DPRX: variants seen among roughly 807,000 people sequenced by gnomAD.
DPRX encodes divergent paired-related homeobox.
Under a neutral mutation model 8.4 loss-of-function variants are expected in DPRX, and 11 were observed. The observed-to-expected ratio is 1.31, with a 90% confidence interval of 0.82 to 2.17. DPRX has a LOEUF of 2.17. Ranked by LOEUF, DPRX falls within the 30% of genes most tolerant of loss-of-function variation. The probability of loss-of-function intolerance (pLI) is 0.00; values close to 1 mark genes in which losing one functional copy is unlikely to be tolerated. For synonymous variants in DPRX, 72 were observed against 87.0 expected, an observed-to-expected ratio of 0.83 and a Z score of 0.96; for missense variants, 211 against 236.7, an observed-to-expected ratio of 0.89 and a Z score of 0.71.
chr19:53,630,330 T>G (rs1039796819), upstream of DPRX, among the ~76,000 whole-genome samples: 1 of 151,724 alleles, frequency 6.6e-6, no homozygotes, highest in African/African-American at 2.4e-5. Context: ...GAGGCTGAGG[T>G]GGGAGGATGG....
chr19:53,617,375 A>G, the DPRX span: 4 of 455,706 alleles, frequency 8.8e-6, no homozygotes, highest in South Asian at 8.1e-5. Flanking sequence ...CCTGGGCAAC[A>G]TGGTAAAACC....
At chr19:53,636,924 T>C in exon 3 of DPRX, 1 of 1,613,548 alleles carries the variant, frequency 6.2e-7, no homozygotes, top group Non-Finnish European at 8.5e-7. Context: ...GAATCCCAAG[T>C]TTGCGCTCCA....
At chr19:53,612,013 G>T in the DPRX span, among the ~76,000 whole-genome samples, 8 of 152,040 alleles carry the variant, frequency 5.3e-5, no homozygotes, top group African/African-American at 1.9e-4. Context: ...GAATCCGGGA[G>T]GTGGAGGTTG....
chr19:53,615,032 A>G, the DPRX span, among the ~76,000 whole-genome samples: 110 of 151,860 alleles, frequency 7.2e-4, no homozygotes, highest in African/African-American at 2.5e-3. Context: ...TTAATTTGTA[A>G]TTTACTTTGT....
chr19:53,631,834 T>C (rs2091093870), upstream of DPRX, among the ~76,000 whole-genome samples: 1 of 152,142 alleles, frequency 6.6e-6, no homozygotes, highest in African/African-American at 2.4e-5. Context: ...TTCTGCATTT[T>C]AACAACTCCC....
upstream of DPRX, among the ~76,000 whole-genome samples, chr19:53,627,125 G>A (rs576353924): frequency 1.1e-4 from 16 of 152,202 alleles, no homozygotes; most frequent in East Asian, 2.1e-3. Flanking sequence ...ACAAATCCTC[G>A]TACTTAGACT....
At chr19:53,619,780 G>A in the DPRX span, among the ~76,000 whole-genome samples, 1 of 151,094 alleles carries the variant, frequency 6.6e-6, no homozygotes, top group African/African-American at 2.4e-5. Context: ...GCTTGAACCT[G>A]GGAGGTGGAG....
At chr19:53,631,512 A>T (rs886177176), upstream of DPRX, among the ~76,000 whole-genome samples, 1 of 152,074 alleles carries the variant, frequency 6.6e-6, no homozygotes. Context: ...GGAAATCATC[A>T]GATCCCACCC....
At chr19:53,621,421 C>T in the DPRX span, among the ~76,000 whole-genome samples, 2 of 152,182 alleles carry the variant, frequency 1.3e-5, no homozygotes, top group African/African-American at 4.8e-5. Context: ...GCATAAGCCA[C>T]TGCACCCAGC....
chr19:53,606,744 A>G, the DPRX span: 3,225 of 144,036 alleles, frequency 0.022, 72 homozygotes, highest in East Asian at 0.078. The surrounding 1 kb of genome is among the most constrained non-coding windows in gnomAD (Gnocchi z 4.8). Context: ...AGGTATATGC[A>G]CCGGGCGGTG....
the DPRX span, chr19:53,602,300 G>GTA: frequency 6.0e-6 from 2 of 334,894 alleles, no homozygotes; most frequent in African/African-American, 2.2e-5. Context: ...GTGTGTGTGT[G>GTA]TGTGTGTGTG....
the DPRX span, among the ~76,000 whole-genome samples, chr19:53,609,192 G>C: frequency 6.6e-6 from 1 of 151,768 alleles, no homozygotes; most frequent in Admixed American, 6.6e-5. Flanking sequence ...ATATGGCTGG[G>C]TATTGTGGCT....
the DPRX span, among the ~76,000 whole-genome samples, chr19:53,615,081 T>G: frequency 6.6e-6 from 1 of 152,140 alleles, no homozygotes; most frequent in Admixed American, 6.6e-5. Flanking sequence ...GACGGATTCT[T>G]CCTCTGTCAC....
chr19:53,603,864 GC>G, the DPRX span, among the ~76,000 whole-genome samples: 1 of 151,202 alleles, frequency 6.6e-6, no homozygotes, highest in African/African-American at 2.4e-5. Flanking sequence ...TCCTGCCTCG[GC>G]CTCCTGAGTA....
the DPRX span, among the ~76,000 whole-genome samples, chr19:53,614,936 A>G: frequency 6.6e-6 from 1 of 152,068 alleles, no homozygotes; most frequent in Non-Finnish European, 1.5e-5. Flanking sequence ...CCTGGGGAAC[A>G]TAGAAAGACC....
At chr19:53,622,430 A>G in the DPRX span, among the ~76,000 whole-genome samples, 1 of 152,260 alleles carries the variant, frequency 6.6e-6, no homozygotes, top group East Asian at 1.9e-4. Flanking sequence ...TGAGCCCAGA[A>G]GCGTAAGATC....
At chr19:53,620,429 C>CTCTAAATTTTGTATT in the DPRX span, among the ~76,000 whole-genome samples, 1 of 151,532 alleles carries the variant, frequency 6.6e-6, no homozygotes, top group East Asian at 1.9e-4. Flanking sequence ...GTGGTGTGAT[C>CTCTAAATTTTGTATT]TTGGCTCACT....
the DPRX span, among the ~76,000 whole-genome samples, chr19:53,615,437 C>T: frequency 5.3e-5 from 8 of 151,772 alleles, no homozygotes; most frequent in South Asian, 2.1e-4. Context: ...CGTGCCACCA[C>T]GCCTGGCTAA....
intron 1 of DPRX, among the ~76,000 whole-genome samples, chr19:53,633,322 A>T (rs189992203): frequency 3.3e-5 from 5 of 152,264 alleles, no homozygotes; most frequent in Non-Finnish European, 5.9e-5. Context: ...GACAGCAGTG[A>T]TGTTATTTTT....
Sources: allele counts gnomAD v4.1 joint callset (sites outside exome capture counted in the v4.1 genomes callset), GRCh38; gene constraint gnomAD v4.1.1; non-coding constraint Gnocchi (gnomAD v3.1); transcripts MANE v1.5; gene names NCBI Gene and HGNC (gene_info 2026-07-23, HGNC 2026-07-21).